HS6ST3: variants seen among roughly 807,000 people sequenced by gnomAD.
HS6ST3 encodes the protein heparan sulfate 6-O-sulfotransferase 3, also known as heparan-sulfate 6-O-sulfotransferase 3.
In HS6ST3, 12 loss-of-function variants were observed where a neutral mutation model predicts 36.7. The observed-to-expected ratio is 0.33, with a 90% CI of 0.21 to 0.53. HS6ST3 has a LOEUF of 0.53. Ranked by LOEUF, HS6ST3 falls within the 20% of genes least tolerant of loss-of-function variation. The pLI is 0.95. For synonymous variants in HS6ST3, 240 were observed against 257.5 expected, an observed-to-expected ratio of 0.93 and a Z score of 0.65; for missense variants, 584 against 640.9, an observed-to-expected ratio of 0.91 and a Z score of 0.96.
chr13:96,243,616 C>T (rs116608588), intron 1 of HS6ST3, among the ~76,000 whole-genome samples: 284 of 152,242 alleles, frequency 1.9e-3, no homozygotes, highest in African/African-American at 6.1e-3. Flanking sequence ...CATTTAAATT[C>T]GTGAGCATCC....
intron 1 of HS6ST3, among the ~76,000 whole-genome samples, chr13:96,693,361 A>G (rs1280958008): frequency 3.3e-5 from 5 of 152,202 alleles, no homozygotes; most frequent in South Asian, 2.1e-4. Flanking sequence ...CTGGAGTGCA[A>G]TGGCGCAACC....
intron 1 of HS6ST3, among the ~76,000 whole-genome samples, chr13:96,104,246 G>C (rs1038601192): frequency 6.6e-6 from 1 of 152,128 alleles, no homozygotes; most frequent in African/African-American, 2.4e-5. Flanking sequence ...AGAATCTAAA[G>C]TTTGCATTGC....
At chr13:96,557,562 C>G (rs991187889) in intron 1 of HS6ST3, among the ~76,000 whole-genome samples, 1 of 152,168 alleles carries the variant, frequency 6.6e-6, no homozygotes, top group Non-Finnish European at 1.5e-5. Flanking sequence ...CTTTCAGCCT[C>G]TCAACCTAAG....
chr13:96,220,895 C>T (rs2054451722), intron 1 of HS6ST3, among the ~76,000 whole-genome samples: 1 of 152,082 alleles, frequency 6.6e-6, no homozygotes, highest in South Asian at 2.1e-4. Flanking sequence ...ATATTAATTG[C>T]ATTAAGAAAT....
At chr13:96,696,827 C>T (rs562407186) in intron 1 of HS6ST3, among the ~76,000 whole-genome samples, 8 of 152,120 alleles carry the variant, frequency 5.3e-5, no homozygotes, top group South Asian at 2.1e-4. Context: ...AGAAGGGGTC[C>T]GGAGCCTGAC....
intron 1 of HS6ST3, among the ~76,000 whole-genome samples, chr13:96,668,686 C>CTTTTTTTTTTTTTTTTTTTTT (rs146033180): frequency 3.4e-5 from 2 of 58,942 alleles, no homozygotes; most frequent in African/African-American, 6.8e-5. Flanking sequence ...TAGTGCCAAC[C>CTTTTTTTTTTTTTTTTTTTTT]TTTTTTTTTT....
intron 1 of HS6ST3, among the ~76,000 whole-genome samples, chr13:96,532,643 T>C (rs572778218): frequency 6.6e-6 from 1 of 152,340 alleles, no homozygotes; most frequent in African/African-American, 2.4e-5. Flanking sequence ...GGAGAAAATT[T>C]GTGCTAGGCT....
chr13:96,290,070 C>G (rs554731724), intron 1 of HS6ST3, among the ~76,000 whole-genome samples: 3 of 152,052 alleles, frequency 2.0e-5, no homozygotes, highest in African/African-American at 7.2e-5. Flanking sequence ...CTAGCTAGCC[C>G]CCCTCTGTAT....
chr13:96,608,166 C>A, intron 1 of HS6ST3, among the ~76,000 whole-genome samples: 1 of 152,144 alleles, frequency 6.6e-6, no homozygotes, highest in East Asian at 1.9e-4. Context: ...CGAAACCAAT[C>A]ATTACATGAA....
intron 1 of HS6ST3, among the ~76,000 whole-genome samples, chr13:96,539,970 T>A (rs1211512012): frequency 6.6e-6 from 1 of 152,246 alleles, no homozygotes; most frequent in Non-Finnish European, 1.5e-5. Context: ...TATTGCTTCA[T>A]GCTCAGAGTC....
At chr13:96,444,288 C>A (rs923181960) in intron 1 of HS6ST3, among the ~76,000 whole-genome samples, 3 of 152,152 alleles carry the variant, frequency 2.0e-5, no homozygotes, top group African/African-American at 4.8e-5. Flanking sequence ...CACAGTAAGA[C>A]CTTATGGCTT....
intron 1 of HS6ST3, among the ~76,000 whole-genome samples, chr13:96,674,685 G>A (rs1433773716): frequency 6.6e-6 from 1 of 152,114 alleles, no homozygotes; most frequent in Non-Finnish European, 1.5e-5. Context: ...CCCTTATTCA[G>A]CTGGGGGATG....
chr13:96,295,680 CTG>C (rs2054851610), intron 1 of HS6ST3, among the ~76,000 whole-genome samples: 1 of 152,092 alleles, frequency 6.6e-6, no homozygotes, highest in East Asian at 1.9e-4. Context: ...TTATTGAACA[CTG>C]TGTTTATACT....
intron 1 of HS6ST3, among the ~76,000 whole-genome samples, chr13:96,384,529 G>A (rs1403670615): frequency 6.6e-6 from 1 of 152,118 alleles, no homozygotes; most frequent in East Asian, 1.9e-4. Context: ...TGTGGCTGTG[G>A]GTGGAAATGT....
At chr13:96,445,949 G>T (rs1164252564) in intron 1 of HS6ST3, among the ~76,000 whole-genome samples, 4 of 152,046 alleles carry the variant, frequency 2.6e-5, no homozygotes, top group African/African-American at 4.8e-5. Flanking sequence ...GAGGCGGGCA[G>T]ATCACGAAGT....
At chr13:96,205,100 A>G (rs2054363210) in intron 1 of HS6ST3, among the ~76,000 whole-genome samples, 1 of 118,974 alleles carries the variant, frequency 8.4e-6, no homozygotes, top group African/African-American at 2.7e-5. Context: ...AGACTAATAA[A>G]GAAGAAAAGA....
intron 1 of HS6ST3, among the ~76,000 whole-genome samples, chr13:96,480,179 T>G (rs2055883467): frequency 6.6e-6 from 1 of 152,214 alleles, no homozygotes; most frequent in Admixed American, 6.5e-5. Flanking sequence ...GGTGGCATGA[T>G]TTCGGCTCAC....
intron 1 of HS6ST3, among the ~76,000 whole-genome samples, chr13:96,377,410 G>T (rs759165166): frequency 2.6e-5 from 4 of 152,032 alleles, no homozygotes; most frequent in Non-Finnish European, 5.9e-5. Flanking sequence ...CTGAAGCATT[G>T]TTCTTTTTAA....
chr13:96,122,966 G>C (rs1434513638), intron 1 of HS6ST3, among the ~76,000 whole-genome samples: 1 of 152,108 alleles, frequency 6.6e-6, no homozygotes, highest in Non-Finnish European at 1.5e-5. Context: ...AATTGAACTG[G>C]GTTAGATAGC....
Sources: allele counts gnomAD v4.1 joint callset (sites outside exome capture counted in the v4.1 genomes callset), GRCh38; gene constraint gnomAD v4.1.1; transcripts MANE v1.5; gene names NCBI Gene and HGNC (gene_info 2026-07-23, HGNC 2026-07-21).